WNT8B: variants seen among roughly 807,000 people sequenced by gnomAD.
WNT8B encodes Wnt family member 8B, also known as protein Wnt-8b.
A neutral mutation model predicts 36.6 loss-of-function variants in WNT8B; 24 were observed. The ratio of observed to expected loss-of-function variants is 0.66; its 90% CI spans 0.48 to 0.92. The LOEUF (loss-of-function observed/expected upper bound fraction) is 0.92. WNT8B is among the 40% of genes least tolerant of loss of function. WNT8B has a pLI of 0.00. For synonymous variants in WNT8B, 199 were observed against 189.8 expected, an observed-to-expected ratio of 1.05 and a Z score of -0.40; for missense variants, 402 against 470.8, an observed-to-expected ratio of 0.85 and a Z score of 1.35.
At chr10:100,477,416 T>C (rs545309644) in intron 1 of WNT8B, among the ~76,000 whole-genome samples, 159 of 152,138 alleles carry the variant, frequency 1.0e-3, no homozygotes, top group Middle Eastern at 3.4e-3. Context: ...TCTCCTGCCT[T>C]AGCCTCCTGA....
chr10:100,479,087 T>C lies in WNT8B; in HGVS notation c.102+2T>C, dbSNP rs750246437. On this transcript the variant is annotated splice_donor_variant, in intron 2 of 5. Transcript: ENST00000343737. LOFTEE classifies it high-confidence loss of function. Reference sequence around the variant, plus strand: ...AATTTCCTGATGACTGGTCCAAAGGTAAGAACAAATTCCATTAATTGATAT... The same window carrying C: ...AATTTCCTGATGACTGGTCCAAAGGCAAGAACAAATTCCATTAATTGATAT... 1.3e-6 allele frequency: 2 copies of C among 1,598,752 alleles called. No individual in the cohort carries two copies. Among genetic ancestry groups the C allele is most frequent in the Non-Finnish European group, 1.7e-6 (2 of 1,176,036 alleles).
At position 100,482,597 on chromosome 10, in the gene WNT8B, G is replaced by A. The variant is rs1020100145; in HGVS notation, c.837G>A (p.Leu279=). 6.3e-7 allele frequency: 1 copy of A among 1,598,136 alleles called. No individual in the cohort carries two copies. Among genetic ancestry groups the A allele is most frequent in the Non-Finnish European group, 8.5e-7 (1 of 1,177,228 alleles). The change falls in exon 6 of 6, where the codon CTG becomes CTA. Residue 279 remains leucine, a synonymous_variant. Transcript: ENST00000343737. This position sits in a 1 kb window ranked among gnomAD's most constrained non-coding sequence, Gnocchi z 6.6. The part of the protein sequence containing the change: ...GRECLRRGRA[L]GRWERRSCRR... Reference sequence around the variant, plus strand: ...AGTGCCTAAGGCGCGGGCGGGCCCTGGGTCGCTGGGAACGCCGCAGCTGCC... The same window carrying A: ...AGTGCCTAAGGCGCGGGCGGGCCCTAGGTCGCTGGGAACGCCGCAGCTGCC...
In WNT8B at chr10:100,471,397, G is replaced by A. The variant is rs577981934; in HGVS notation, c.69-7655G>A. 2.0e-5 allele frequency among the ~76,000 whole-genome samples: 3 copies of A among 152,346 alleles called. No individual in the cohort carries two copies. The South Asian group carries it at 6.2e-4, about 32-fold the overall frequency. The stretch of plus-strand genomic sequence containing the variant: ...TGCCTAGAAAATGTGCCCAGGGGAT[G>A]TCGTGCTACCCAGATAAAGCAGGGC... On this transcript the variant is annotated intron_variant, in intron 1 of 5. Coordinates refer to ENST00000343737, the MANE Select transcript of WNT8B (RefSeq NM_003393.4).
At position 100,476,302 on chromosome 10, in the gene WNT8B, TA is replaced by T. The variant is rs58454870; in HGVS notation, c.69-2739del. The stretch of plus-strand genomic sequence containing the variant: ...TTGGGTGACAGAGTGAGACTCCGTC[TA>T]AAAAAAAAAATAGGCCTTAGTTTTG... On this transcript the variant is annotated intron_variant, in intron 1 of 5. Transcript: ENST00000343737. 5.3e-3 allele frequency among the ~76,000 whole-genome samples: 782 copies of T among 146,516 alleles called. 4 individuals carry two copies. Among genetic ancestry groups the T allele is most frequent in the Middle Eastern group, 0.011 (3 of 284 alleles).
chr10:100,481,252 G>C lies in WNT8B; in HGVS notation c.367+129G>C. On this transcript the variant is annotated intron_variant, in intron 4 of 5. Transcript: ENST00000343737. ...AAAATCATGCGGAAGATGGGTGAAC[G>C]AGTTTGATCCCAAGCCCTACAATGA... 2.3e-6 allele frequency: 3 copies of C among 1,313,584 alleles called. No homozygotes were observed. The African/African-American group carries it at 4.5e-5, about 19-fold the overall frequency. The allele number at this position is 1,313,584 out of a possible 1,614,324, so 81.4% of individuals were successfully genotyped here.
At chr10:100,471,671 T>C (rs767168515) in intron 1 of WNT8B, among the ~76,000 whole-genome samples, 7 of 152,198 alleles carry the variant, frequency 4.6e-5, no homozygotes, top group Non-Finnish European at 8.8e-5. Context: ...GTAGAGTGCA[T>C]GCTCTAGAGT....
chr10:100,471,509 T>G (rs1850977394), intron 1 of WNT8B, among the ~76,000 whole-genome samples: 1 of 152,230 alleles, frequency 6.6e-6, no homozygotes, highest in Non-Finnish European at 1.5e-5. Context: ...AGAGACAATG[T>G]GATAATTAAC....
At chr10:100,466,491 A>G (rs1416715653) in intron 1 of WNT8B, among the ~76,000 whole-genome samples, 2 of 152,164 alleles carry the variant, frequency 1.3e-5, no homozygotes, top group African/African-American at 4.8e-5. Flanking sequence ...TATTATTATT[A>G]TAATTATTAA....
chr10:100,482,006 G>A lies in WNT8B; in HGVS notation c.462G>A (p.Gln154=), dbSNP rs140721501. 4 of 1,614,102 alleles carry A rather than the reference G, an allele frequency of 2.5e-6. No individual in the cohort carries two copies. The African/African-American group carries it at 4.0e-5, about 16-fold the overall frequency. The change falls in exon 5 of 6, where the codon CAG becomes CAA. Residue 154 remains glutamine, a synonymous_variant. Coordinates refer to ENST00000343737, the MANE Select transcript of WNT8B (RefSeq NM_003393.4). This position sits in a 1 kb window ranked among gnomAD's most constrained non-coding sequence, Gnocchi z 6.6. The part of the protein sequence containing the change: ...KQFVDALETG[Q]DARAAMNLHN... ...TTGTCGATGCCCTGGAAACAGGACA[G>A]GATGCACGGGCAGCCATGAACCTGC... is the stretch of plus-strand genomic sequence containing the variant.
chr10:100,482,835 C>G lies in WNT8B; in HGVS notation c.*19C>G. 3 of 1,478,810 alleles carry G rather than the reference C, an allele frequency of 2.0e-6. No individual in the cohort carries two copies. Among genetic ancestry groups the G allele is most frequent in the Non-Finnish European group, 2.7e-6 (3 of 1,113,454 alleles). 91.6% of individuals were successfully genotyped at this position (1,478,810 alleles called of 1,614,324 possible). On this transcript the variant is annotated 3_prime_UTR_variant, in exon 6 of 6. Transcript: ENST00000343737. This position sits in a 1 kb window ranked among gnomAD's most constrained non-coding sequence, Gnocchi z 6.6. ...ACCCTAAGGGTTTCCTCTGCCCCCT[C>G]CTTTTCCCACTGGTTCTTGGCTTCC... is the stretch of plus-strand genomic sequence containing the variant.
At chr10:100,474,196 G>C (rs556201053) in intron 1 of WNT8B, among the ~76,000 whole-genome samples, 1 of 152,184 alleles carries the variant, frequency 6.6e-6, no homozygotes, top group African/African-American at 2.4e-5. Flanking sequence ...CCCTTTGAAT[G>C]GTCCTGAATC....
chr10:100,481,207 G>A (rs1851106248), intron 4 of WNT8B, 84 bp downstream of exon 4: 1 of 1,526,610 alleles, frequency 6.6e-7, no homozygotes, highest in South Asian at 1.2e-5. Context: ...AAGAAGAGCT[G>A]TATTCTTCTA....
intron 1 of WNT8B, among the ~76,000 whole-genome samples, chr10:100,470,348 T>C (rs1398863934): frequency 1.3e-5 from 2 of 152,208 alleles, no homozygotes; most frequent in African/African-American, 4.8e-5. Context: ...ATCATCATTA[T>C]ATCCTCTTTT....
In WNT8B at chr10:100,483,585, C is replaced by G. The variant is rs1378977692; in HGVS notation, c.*769C>G. On this transcript the variant is annotated 3_prime_UTR_variant, in exon 6 of 6. Coordinates refer to ENST00000343737, the MANE Select transcript of WNT8B (RefSeq NM_003393.4). Reference sequence around the variant, plus strand: ...AAATACGTTAAGGGCAGATTACAGTCATTTCCTACCCTTTAAAGGTAACTT... The same window carrying G: ...AAATACGTTAAGGGCAGATTACAGTGATTTCCTACCCTTTAAAGGTAACTT... The G allele has an allele frequency of 6.6e-6, 1 of 152,220 alleles. No individual in the cohort carries two copies. The highest frequency in any genetic ancestry group is 1.5e-5 in the Non-Finnish European group (1 of 68,048). 9.4% of individuals were successfully genotyped at this position (152,220 alleles called of 1,614,324 possible).
In WNT8B at chr10:100,463,031, T is replaced by C. The variant is rs1850873448; in HGVS notation, c.-138T>C. Reference sequence around the variant, plus strand: ...GCTCCATTTCACCTCCCCTTAACTCTGTTTGGGATCGCTTACACACCAAGG... The same window carrying C: ...GCTCCATTTCACCTCCCCTTAACTCCGTTTGGGATCGCTTACACACCAAGG... On this transcript the variant is annotated 5_prime_UTR_variant, in exon 1 of 6. Transcript: ENST00000343737. 1.4e-6 allele frequency: 1 copy of C among 700,898 alleles called. No homozygotes were observed. Among genetic ancestry groups the C allele is most frequent in the East Asian group, 2.7e-5 (1 of 36,558 alleles). The allele number at this position is 700,898 out of a possible 1,614,324, so 43.4% of individuals were successfully genotyped here. A position where few individuals can be genotyped will look rare whatever the true frequency, so the allele number is the denominator to read the frequency against.
chr10:100,463,272 A>G, intron 1 of WNT8B, 36 bp downstream of exon 1: 1 of 1,588,896 alleles, frequency 6.3e-7, no homozygotes, highest in Middle Eastern at 1.7e-4. Flanking sequence ...AGCTGGGAAT[A>G]GGTAAGTGTA....
chr10:100,473,971 A>G (rs1354491784), intron 1 of WNT8B, among the ~76,000 whole-genome samples: 5 of 152,122 alleles, frequency 3.3e-5, no homozygotes, highest in Non-Finnish European at 7.4e-5. Flanking sequence ...TGTCTGAGCA[A>G]CTAGGAGGAA....
rs571910343 is a variant in WNT8B, at chr10:100,465,212, C to G, written c.68+1976C>G. Among the ~76,000 whole-genome samples the G allele has an allele frequency of 2.0e-5, 3 of 152,254 alleles. No individual in the cohort carries two copies. The East Asian group carries it at 5.8e-4, about 29-fold the overall frequency. ...TAATATGCAGTTTTACTAGGTAAAT[C>G]AGTACAAGATGATTTCTTTGAAAAG... On this transcript the variant is annotated intron_variant, in intron 1 of 5. Coordinates refer to ENST00000343737, the MANE Select transcript of WNT8B (RefSeq NM_003393.4).
At chr10:100,463,375 T>C in intron 1 of WNT8B, 139 bp downstream of exon 1, 2 of 707,570 alleles carry the variant, frequency 2.8e-6, no homozygotes, top group Admixed American at 3.3e-5. Flanking sequence ...GGTAGGGCTC[T>C]TCCTAAATTT....
Sources: gnomAD v4.1 joint callset for allele counts (sites outside exome capture counted in the v4.1 genomes callset) on GRCh38, gnomAD v4.1.1 for gene constraint, Gnocchi (gnomAD v3.1) non-coding constraint, MANE v1.5 for transcripts, NCBI Gene and HGNC (gene_info 2026-07-23, HGNC 2026-07-21) for gene names.